PIEZO1: variants seen among roughly 807,000 people sequenced by gnomAD.
PIEZO1 encodes piezo-type mechanosensitive ion channel component 1.
PIEZO1 carries 296 observed loss-of-function variants against 297.2 expected under a neutral mutation model. The observed-to-expected ratio is 1.00, with a 90% CI of 0.91 to 1.10. PIEZO1 has a LOEUF of 1.10. PIEZO1 is among the 50% of genes least tolerant of loss of function. PIEZO1 has a pLI of 0.00. For synonymous variants in PIEZO1, 2,427 were observed against 1,507.5 expected, an observed-to-expected ratio of 1.61 and a Z score of -14.13; for missense variants, 5,018 against 3,455.5, an observed-to-expected ratio of 1.45 and a Z score of -11.34.
intron 1 of PIEZO1, among the ~76,000 whole-genome samples, chr16:88,765,861 A>C (rs1907152539): frequency 6.6e-6 from 1 of 151,898 alleles, no homozygotes; most frequent in African/African-American, 2.4e-5. Flanking sequence ...TTCAGTAGAG[A>C]TGGGGTTTCA....
chr16:88,762,600 T>A (rs904725810), intron 1 of PIEZO1, among the ~76,000 whole-genome samples: 5 of 152,136 alleles, frequency 3.3e-5, no homozygotes, highest in African/African-American at 1.2e-4. Context: ...GTTTGCCAGG[T>A]CACCCGTGGC....
At chr16:88,774,782 G>A (rs1907583638) in intron 1 of PIEZO1, among the ~76,000 whole-genome samples, 1 of 152,156 alleles carries the variant, frequency 6.6e-6, no homozygotes, top group African/African-American at 2.4e-5. Flanking sequence ...GCAAAAACAG[G>A]GCACCCCGGA....
At chr16:88,784,534 C>G (rs571240043) in intron 1 of PIEZO1, among the ~76,000 whole-genome samples, 1 of 152,196 alleles carries the variant, frequency 6.6e-6, no homozygotes, top group Non-Finnish European at 1.5e-5. Flanking sequence ...CGTGCTCCCC[C>G]CACCACCGCC....
At chr16:88,731,616 T>C (rs1490138946) in intron 22 of PIEZO1, 90 bp downstream of exon 22, 2 of 960,076 alleles carry the variant, frequency 2.1e-6, no homozygotes, top group Non-Finnish European at 3.2e-6. Context: ...TCTAGGAGGG[T>C]GGACAGGAGT....
intron 1 of PIEZO1, among the ~76,000 whole-genome samples, chr16:88,778,489 C>T (rs551644095): frequency 6.6e-6 from 1 of 152,346 alleles, no homozygotes; most frequent in African/African-American, 2.4e-5. Flanking sequence ...TATTAAAACA[C>T]ACCCGAAAAA....
At position 88,733,696 on chromosome 16, in the gene PIEZO1, G is replaced by A. The variant is rs1282530315; in HGVS notation, c.2379C>T (p.Ala793=). 21 of 1,548,880 alleles carry A rather than the reference G, an allele frequency of 1.4e-5. No individual in the cohort carries two copies. The highest frequency in any genetic ancestry group is 1.7e-4 in the Middle Eastern group (1 of 6,008). Residue 793 remains alanine, a synonymous_variant, in exon 18 of 51, where the codon GCC becomes GCT. Transcript: ENST00000301015. ...LVAERLLELA[A]GFSDVLSRVQ... ...CGCGTGAGAGGACGTCCGAGAAGCCGGCTGCCAGCTCCAGCAGCCGCTCAG... is the reference window on the plus strand; with the variant it reads ...CGCGTGAGAGGACGTCCGAGAAGCCAGCTGCCAGCTCCAGCAGCCGCTCAG...
intron 30 of PIEZO1, 47 bp downstream of exon 30, chr16:88,724,962 C>T (rs1904324353): frequency 1.7e-6 from 2 of 1,197,092 alleles, no homozygotes; most frequent in African/African-American, 1.6e-5. Flanking sequence ...CAGATGGGGG[C>T]ACAGAGGGCC....
intron 25 of PIEZO1, 26 bp from the exon 26 acceptor site, chr16:88,726,669 C>CCAGCGGGGT (rs1193277470): frequency 6.5e-7 from 1 of 1,547,722 alleles, no homozygotes; most frequent in Non-Finnish European, 8.7e-7. Flanking sequence ...GTCAGCGGGG[C>CCAGCGGGGT]CAGCGGGGCC....
intron 1 of PIEZO1, among the ~76,000 whole-genome samples, chr16:88,752,281 G>C (rs1407081334): frequency 1.3e-5 from 2 of 152,088 alleles, no homozygotes; most frequent in Non-Finnish European, 2.9e-5. Context: ...CCAGGAGTTC[G>C]AGACCAGACC....
In PIEZO1 at chr16:88,721,738, G is replaced by A. The variant is rs1023627572; in HGVS notation, c.5215-12C>T. On this transcript the variant is annotated splice_polypyrimidine_tract_variant and intron_variant, in intron 37 of 50. Transcript: ENST00000301015. ...ACGACCACCGCGATCTGTGGGGGAG[G>A]GGGCTCAGCACGCGGGGAGGGTCAC... The A allele has an allele frequency of 4.6e-6, 7 of 1,537,140 alleles. No homozygotes were observed. In the African/African-American group the frequency reaches 5.5e-5, roughly 12 times the overall value.
chr16:88,741,587 A>C lies in PIEZO1; in HGVS notation c.356T>G (p.Ile119Ser), dbSNP rs1323211441. 2.6e-6 allele frequency: 4 copies of C among 1,535,006 alleles called. No individual in the cohort carries two copies. The highest frequency in any genetic ancestry group is 3.5e-6 in the Non-Finnish European group (4 of 1,146,632). Residue 119 changes from isoleucine (I) to serine (S), a missense_variant, in exon 5 of 51, where the codon ATC becomes AGC. Coordinates refer to ENST00000301015, the MANE Select transcript of PIEZO1 (RefSeq NM_001142864.4). Reference sequence around the variant, plus strand: ...GCCCAGGTCAGGGGCCACCAGCCGGATGGCGTTGGGGATGTCCTTCAGGTC... The same window carrying C: ...GCCCAGGTCAGGGGCCACCAGCCGGCTGGCGTTGGGGATGTCCTTCAGGTC... ...RLDLKDIPNAIRLVAPDLGIL... is the reference protein window; with the variant it reads ...RLDLKDIPNASRLVAPDLGIL...
chr16:88,721,548 G>A lies in PIEZO1; in HGVS notation c.5393C>T (p.Ser1798Phe), dbSNP rs764374591. 94 of 1,549,250 alleles carry A rather than the reference G, an allele frequency of 6.1e-5. No homozygotes were observed. In the Admixed American group the frequency reaches 7.3e-4, roughly 12 times the overall value. ...VQLMALFFHR[S>F]QLLCYGLWDH... Reference sequence around the variant, plus strand: ...AAGGCTCACACTCACCAGCAGCTGGGAGCGGTGGAAGAAAAGGGCCATGAG... The same window carrying A: ...AAGGCTCACACTCACCAGCAGCTGGAAGCGGTGGAAGAAAAGGGCCATGAG... Residue 1798 changes from serine (S) to phenylalanine (F), a missense_variant, in exon 38 of 51, where the codon TCC becomes TTC. Coordinates refer to ENST00000301015, the MANE Select transcript of PIEZO1 (RefSeq NM_001142864.4).
In PIEZO1 at chr16:88,719,824, G is replaced by C; in HGVS notation, c.6301C>G (p.Leu2101Val). The C allele has an allele frequency of 1.9e-6, 3 of 1,550,608 alleles. No homozygotes were observed. Among genetic ancestry groups the C allele is most frequent in the South Asian group, 2.4e-5 (2 of 84,064 alleles). ...GNFLTKKYNH[L>V]NLFLFQGFRL... is the part of the protein sequence containing the mutation. ...CACCCCTGGAAGAGGAAGAGGTTGA[G>C]ATGATTGTACTTCTTGGTGAGGAAG... Residue 2101 changes from leucine to valine, a missense_variant, in exon 43 of 51, where the codon CTC becomes GTC. Coordinates refer to ENST00000301015, the MANE Select transcript of PIEZO1 (RefSeq NM_001142864.4).
At chr16:88,730,087 T>A (rs1194789216) in intron 22 of PIEZO1, among the ~76,000 whole-genome samples, 1 of 152,220 alleles carries the variant, frequency 6.6e-6, no homozygotes, top group Non-Finnish European at 1.5e-5. Flanking sequence ...GGAGCTGGCC[T>A]CGGTGATGCT....
chr16:88,734,107 T>C, intron 16 of PIEZO1, 53 bp from the exon 17 acceptor site: 2 of 1,467,864 alleles, frequency 1.4e-6, no homozygotes, highest in South Asian at 2.7e-5. Context: ...GCCCCTCATT[T>C]CCTGGGGCTG....
intron 27 of PIEZO1, 132 bp from the exon 28 acceptor site, chr16:88,725,816 CG>C: frequency 3.2e-6 from 2 of 630,192 alleles, no homozygotes; most frequent in African/African-American, 1.8e-5. Flanking sequence ...GAGGCACCCA[CG>C]GGGGAGGCAT....
chr16:88,720,546 C>A lies in PIEZO1; in HGVS notation c.5802-14G>T, dbSNP rs1423776571. ...GTGCCCTGGGCCCTGCGGAAGGGGG[C>A]GCTCAGCCTGGGCCCAGTACCCGCC... On this transcript the variant is annotated splice_polypyrimidine_tract_variant and intron_variant, in intron 40 of 50. Coordinates refer to ENST00000301015, the MANE Select transcript of PIEZO1 (RefSeq NM_001142864.4). 13 of 1,549,106 alleles carry A rather than the reference C, an allele frequency of 8.4e-6. No individual in the cohort carries two copies. Among genetic ancestry groups the A allele is most frequent in the Non-Finnish European group, 1.0e-5 (12 of 1,146,774 alleles).
At chr16:88,742,744 CGT>C in intron 2 of PIEZO1, 1 of 372,976 alleles carries the variant, frequency 2.7e-6, no homozygotes, top group South Asian at 2.4e-5. Flanking sequence ...TACCTGTCAC[CGT>C]TCAGTTGTGG....
rs758579805 is a variant in PIEZO1, at chr16:88,737,977, G to A, written c.977C>T (p.Thr326Met). 58 of 1,534,384 alleles carry A rather than the reference G, an allele frequency of 3.8e-5. No homozygotes were observed. The highest frequency in any genetic ancestry group is 2.9e-4 in the African/African-American group (21 of 73,172). The change falls in exon 8 of 51, where the codon ACG becomes ATG. Residue 326 changes from threonine to methionine, a missense_variant. Thr to Met is a moderately conservative substitution (Grantham distance 81). Transcript: ENST00000301015. ...CGCGCGGAGCTTGCGCAGAGAGGCC[G>A]TGGCGTAGCACAGCAGCAGGAGGAC... ...PGVLLLLCYA[T>M]ASLRKLRAYR...
Sources: gnomAD v4.1 joint callset for allele counts (sites outside exome capture counted in the v4.1 genomes callset) on GRCh38, gnomAD v4.1.1 for gene constraint, MANE v1.5 for transcripts, NCBI Gene and HGNC (gene_info 2026-07-23, HGNC 2026-07-21) for gene names.